The following ITGA9 variants were observed in gnomAD, a reference collection of about 807,000 sequenced individuals.
ITGA9 encodes integrin subunit alpha 9, also known as integrin alpha-9.
Under a neutral mutation model 127.8 loss-of-function variants are expected in ITGA9, and 56 were observed. That is an observed-to-expected ratio of 0.44 (90% CI 0.35 to 0.55). The LOEUF is 0.55. ITGA9 is among the 20% of genes least tolerant of loss of function. The pLI is 0.00. For missense variants in ITGA9, 1,196 were observed against 1,347.1 expected (o/e 0.89, Z 1.76); for synonymous variants, 508 against 514.5 (o/e 0.99, Z 0.17).
chr3:37,531,989 C>T (rs572760468), intron 13 of ITGA9, among the ~76,000 whole-genome samples: 8 of 152,214 alleles, frequency 5.3e-5, no homozygotes, highest in Middle Eastern at 3.4e-3. Flanking sequence ...GAAAGGTCGA[C>T]GGGGTTTTAT....
In ITGA9 at chr3:37,481,617, GA is replaced by G. The variant is rs773783937; in HGVS notation, c.544+11del. 3 of 1,614,126 alleles carry G rather than the reference GA, an allele frequency of 1.9e-6. No homozygotes were observed. Among genetic ancestry groups the G allele is most frequent in the Non-Finnish European group, 2.5e-6 (3 of 1,180,024 alleles). Reference sequence around the variant, plus strand: ...ATCCCTTGCTATGAAGGTGAGCATGGATTGATTTTTCCTCATCCCCCTACCC... The same window carrying G: ...ATCCCTTGCTATGAAGGTGAGCATGGTTGATTTTTCCTCATCCCCCTACCC... On this transcript the variant is annotated intron_variant, in intron 4 of 27. Coordinates refer to ENST00000264741, the MANE Select transcript of ITGA9 (RefSeq NM_002207.3).
chr3:37,751,887 C>G (rs895847037), intron 23 of ITGA9, among the ~76,000 whole-genome samples: 1 of 152,198 alleles, frequency 6.6e-6, no homozygotes, highest in African/African-American at 2.4e-5. Context: ...AAGTCTCCAT[C>G]TGGATAGCCC....
intron 16 of ITGA9, among the ~76,000 whole-genome samples, chr3:37,635,581 ATTTTAT>A (rs1298942894): frequency 8.6e-5 from 13 of 151,116 alleles, no homozygotes; most frequent in Non-Finnish European, 8.8e-5. Flanking sequence ...ATTTTATTTT[ATTTTAT>A]TTTATTTTTT....
chr3:37,645,126 A>G (rs1006275785), intron 16 of ITGA9, among the ~76,000 whole-genome samples: 2 of 152,204 alleles, frequency 1.3e-5, no homozygotes, highest in Non-Finnish European at 2.9e-5. Flanking sequence ...GCTGGGGGTT[A>G]TAAACATGAA....
chr3:37,457,639 C>T (rs1579036971), intron 1 of ITGA9, among the ~76,000 whole-genome samples: 1 of 152,180 alleles, frequency 6.6e-6, no homozygotes, highest in Non-Finnish European at 1.5e-5. Flanking sequence ...TCCTGGTCCT[C>T]ACTCACCCTA....
chr3:37,651,462 G>A (rs1374774469), intron 16 of ITGA9, among the ~76,000 whole-genome samples: 3 of 152,178 alleles, frequency 2.0e-5, no homozygotes, highest in Non-Finnish European at 2.9e-5. Flanking sequence ...CTGTCTCTCA[G>A]AGCAATGTGT....
intron 15 of ITGA9, among the ~76,000 whole-genome samples, chr3:37,598,200 A>G (rs367628254): frequency 1.3e-5 from 2 of 152,192 alleles, no homozygotes; most frequent in Non-Finnish European, 2.9e-5. Flanking sequence ...AATTCTGCCT[A>G]TGACGCAGGT....
intron 15 of ITGA9, among the ~76,000 whole-genome samples, chr3:37,580,602 T>A (rs1559541494): frequency 6.6e-6 from 1 of 152,210 alleles, no homozygotes; most frequent in Non-Finnish European, 1.5e-5. Context: ...TAATTCTTTT[T>A]TAAATGTTCG....
At chr3:37,565,040 G>A (rs1411459919) in intron 15 of ITGA9, among the ~76,000 whole-genome samples, 4 of 152,190 alleles carry the variant, frequency 2.6e-5, no homozygotes, top group African/African-American at 9.7e-5. Context: ...TAGTGAGGGA[G>A]GATCCAACTG....
At chr3:37,666,878 A>G (rs997651743) in intron 17 of ITGA9, among the ~76,000 whole-genome samples, 5 of 152,152 alleles carry the variant, frequency 3.3e-5, no homozygotes, top group African/African-American at 1.2e-4. Context: ...TCTTGGAATG[A>G]CTATATCTGA....
Position 37,523,536 on chromosome 3 carries a change from A to G in ITGA9, c.1252A>G (p.Lys418Glu), listed in dbSNP as rs944910936. 6 of 1,613,884 alleles carry G rather than the reference A, an allele frequency of 3.7e-6. No individual in the cohort carries two copies. Among genetic ancestry groups the G allele is most frequent in the African/African-American group, 2.7e-5 (2 of 74,938 alleles). ...TCTGTTTCAGAAACTGTCTGGGCAG[A>G]AGATAAATCCAGTGCTCCGGATGTT... ...PQYSMKLSGQ[K>E]INPVLRMFGQ... The change falls in exon 12 of 28, where the codon AAG becomes GAG. Residue 418 changes from lysine (K) to glutamate (E), a missense_variant. Coordinates refer to ENST00000264741, the MANE Select transcript of ITGA9 (RefSeq NM_002207.3).
chr3:37,491,215 G>A (rs1698669910), intron 4 of ITGA9, among the ~76,000 whole-genome samples: 1 of 152,108 alleles, frequency 6.6e-6, no homozygotes, highest in African/African-American at 2.4e-5. Flanking sequence ...GGACTCAAGT[G>A]ATCTGCCTGC....
Position 37,629,457 on chromosome 3 carries a change from C to T in ITGA9, c.1839+121C>T, listed in dbSNP as rs1364627009. 9.8e-7 allele frequency: 1 copy of T among 1,023,508 alleles called. No homozygotes were observed. Among genetic ancestry groups the T allele is most frequent in the Non-Finnish European group, 1.5e-6 (1 of 671,166 alleles). 63.4% of individuals were successfully genotyped at this position (1,023,508 alleles called of 1,614,324 possible). Reference sequence around the variant, plus strand: ...CTCAGGAGACCGCAGCCAGGACACACCTCCTCTCTGGGTCTCCCTTTTCTG... The same window carrying T: ...CTCAGGAGACCGCAGCCAGGACACATCTCCTCTCTGGGTCTCCCTTTTCTG... On this transcript the variant is annotated intron_variant, in intron 16 of 27. Coordinates refer to ENST00000264741, the MANE Select transcript of ITGA9 (RefSeq NM_002207.3). The surrounding 1 kb of genome is among the most constrained non-coding windows in gnomAD (Gnocchi z 4.5).
intron 18 of ITGA9, among the ~76,000 whole-genome samples, chr3:37,688,757 G>A (rs1194287788): frequency 6.6e-6 from 1 of 152,158 alleles, no homozygotes; most frequent in Non-Finnish European, 1.5e-5. Context: ...TAGGGAGCCC[G>A]TGTGCAGGCT....
At chr3:37,485,752 T>C (rs1698603751) in intron 4 of ITGA9, among the ~76,000 whole-genome samples, 1 of 152,198 alleles carries the variant, frequency 6.6e-6, no homozygotes, top group Non-Finnish European at 1.5e-5. Context: ...TGCTTCCTGT[T>C]TCTGGTTGGA....
chr3:37,596,854 C>T (rs1479060210), intron 15 of ITGA9, among the ~76,000 whole-genome samples: 1 of 152,192 alleles, frequency 6.6e-6, no homozygotes, highest in Non-Finnish European at 1.5e-5. Context: ...GGGAGGTCAG[C>T]GTGCAATGCC....
At chr3:37,798,988 C>T (rs974146554) in intron 26 of ITGA9, among the ~76,000 whole-genome samples, 1 of 151,976 alleles carries the variant, frequency 6.6e-6, no homozygotes, top group African/African-American at 2.4e-5. Flanking sequence ...TGTGATTGAC[C>T]ATAGTTTACT....
At chr3:37,562,272 C>T (rs963870744) in intron 15 of ITGA9, among the ~76,000 whole-genome samples, 12 of 152,232 alleles carry the variant, frequency 7.9e-5, no homozygotes, top group African/African-American at 2.6e-4. Context: ...CTATTTCTGC[C>T]CCGGAGCACC....
chr3:37,748,713 A>C, intron 22 of ITGA9: 5 of 558,704 alleles, frequency 8.9e-6, no homozygotes, highest in Non-Finnish European at 1.3e-5. Flanking sequence ...GGCCCACTGC[A>C]CTCCAGCCTG....
Sources: allele counts gnomAD v4.1 joint callset (sites outside exome capture counted in the v4.1 genomes callset), GRCh38; gene constraint gnomAD v4.1.1; non-coding constraint Gnocchi (gnomAD v3.1); transcripts MANE v1.5; gene names NCBI Gene and HGNC (gene_info 2026-07-23, HGNC 2026-07-21).